ADK: variants seen among roughly 807,000 people sequenced by gnomAD.
The protein encoded by ADK is adenosine kinase, also known as N6,N6-dimethyladenosine kinase.
In ADK, 24 loss-of-function variants were observed where a neutral mutation model predicts 44.7. That is an observed-to-expected ratio of 0.54 (90% CI 0.39 to 0.76). The LOEUF is 0.76. Ranked by LOEUF, ADK falls within the 30% of genes least tolerant of loss-of-function variation. The pLI, the probability that ADK is intolerant of heterozygous loss-of-function variation, is 0.00. For synonymous variants in ADK, 128 were observed against 142.6 expected (o/e 0.90, Z 0.73); for missense variants, 321 against 425.1 (o/e 0.76, Z 2.15).
chr10:74,512,950 T>C (rs1347028873), intron 6 of ADK, among the ~76,000 whole-genome samples: 2 of 152,110 alleles, frequency 1.3e-5, no homozygotes, highest in East Asian at 3.8e-4. Flanking sequence ...GGTTTTGGTA[T>C]GTTGTGTTTC....
At chr10:74,397,680 AGT>A (rs1843566073) in intron 5 of ADK, among the ~76,000 whole-genome samples, 1 of 151,904 alleles carries the variant, frequency 6.6e-6, no homozygotes, top group African/African-American at 2.4e-5. Flanking sequence ...TAGGACTATA[AGT>A]GTGCACCACT....
intron 1 of ADK, among the ~76,000 whole-genome samples, chr10:74,173,294 T>G (rs1056536431): frequency 6.6e-6 from 1 of 151,378 alleles, no homozygotes; most frequent in African/African-American, 2.4e-5. Flanking sequence ...GGGGTTTCAC[T>G]GTGTTAGCCA....
chr10:74,307,117 A>G (rs1174559563), intron 3 of ADK, among the ~76,000 whole-genome samples: 1 of 152,106 alleles, frequency 6.6e-6, no homozygotes, highest in Non-Finnish European at 1.5e-5. Context: ...CCCAGTGGAA[A>G]TGTGCCACGG....
At chr10:74,384,074 A>G (rs1843061632) in intron 4 of ADK, among the ~76,000 whole-genome samples, 1 of 152,196 alleles carries the variant, frequency 6.6e-6, no homozygotes, top group South Asian at 2.1e-4. Flanking sequence ...TGCTACTTGC[A>G]TGTTCTGCAA....
At chr10:74,595,264 CTA>C (rs1421042325) in intron 8 of ADK, among the ~76,000 whole-genome samples, 1 of 150,480 alleles carries the variant, frequency 6.6e-6, no homozygotes, top group Non-Finnish European at 1.5e-5. Context: ...GCTCAGCTCT[CTA>C]TGTCTGGTGC....
At chr10:74,182,348 T>TTTATTTATTTA in intron 1 of ADK, among the ~76,000 whole-genome samples, 1 of 145,728 alleles carries the variant, frequency 6.9e-6, no homozygotes, top group African/African-American at 2.5e-5. Context: ...ACAGAAATCT[T>TTTATTTATTTA]TTTATTTATT....
In ADK at chr10:74,324,327, G is replaced by A. The variant is rs1840933659; in HGVS notation, c.273+9582G>A. Among the ~76,000 whole-genome samples the A allele has an allele frequency of 1.3e-5, 2 of 152,192 alleles. 1 individual carries two copies. Among genetic ancestry groups the A allele is most frequent in the South Asian group, 4.1e-4 (2 of 4,830 alleles). On this transcript the variant is annotated intron_variant, in intron 4 of 10. Coordinates refer to ENST00000539909, the MANE Select transcript of ADK (RefSeq NM_006721.4). The stretch of plus-strand genomic sequence containing the variant: ...TTACAGTTGTGAGCCACTGTGCACA[G>A]CCTTTCACCAATTGTCAAAAACTTA...
At chr10:74,674,303 C>T (rs1855301732) in intron 10 of ADK, among the ~76,000 whole-genome samples, 1 of 152,172 alleles carries the variant, frequency 6.6e-6, no homozygotes, top group African/African-American at 2.4e-5. Context: ...CCTGCTCCCT[C>T]TCCACACCAG....
intron 3 of ADK, among the ~76,000 whole-genome samples, chr10:74,279,224 G>T (rs1846821101): frequency 6.6e-6 from 1 of 152,026 alleles, no homozygotes; most frequent in Admixed American, 6.6e-5. Flanking sequence ...AGGTTGCAGT[G>T]ATCCGAGATT....
At chr10:74,380,533 C>T (rs540872402) in intron 4 of ADK, among the ~76,000 whole-genome samples, 5 of 152,044 alleles carry the variant, frequency 3.3e-5, no homozygotes, top group South Asian at 2.1e-4. Flanking sequence ...CTGAGACGGG[C>T]GGATCACAAG....
intron 1 of ADK, among the ~76,000 whole-genome samples, chr10:74,153,358 A>G (rs923596083): frequency 2.0e-5 from 3 of 152,220 alleles, no homozygotes; most frequent in Non-Finnish European, 2.9e-5. Flanking sequence ...CATGCTACAT[A>G]GGACAACCCC....
chr10:74,499,257 A>G (rs1316247907), intron 6 of ADK, among the ~76,000 whole-genome samples: 1 of 152,164 alleles, frequency 6.6e-6, no homozygotes, highest in African/African-American at 2.4e-5. Context: ...TTAATCTTTC[A>G]TTGAGGAATA....
chr10:74,695,619 G>GGTGT (rs749294668), intron 10 of ADK, among the ~76,000 whole-genome samples: 1,617 of 90,038 alleles, frequency 0.018, 17 homozygotes, highest in Non-Finnish European at 0.026. Context: ...GTATGTGTGG[G>GGTGT]GTGTGTGTGT....
chr10:74,538,708 G>T (rs1324999700), intron 7 of ADK, among the ~76,000 whole-genome samples: 1 of 152,138 alleles, frequency 6.6e-6, no homozygotes, highest in African/African-American at 2.4e-5. Flanking sequence ...TAAACCAGAT[G>T]GGATACATTG....
Position 74,200,801 on chromosome 10 carries a change from G to A in ADK, c.103G>A (p.Asp35Asn). 1.2e-6 allele frequency: 2 copies of A among 1,611,672 alleles called. No homozygotes were observed. Among genetic ancestry groups the A allele is most frequent in the Non-Finnish European group, 1.7e-6 (2 of 1,178,400 alleles). ...ILFGMGNPLLDISAVVDKDFL... is the reference protein window; with the variant it reads ...ILFGMGNPLLNISAVVDKDFL... ...CTTTGGAATGGGAAATCCTCTGCTT[G>A]ACATCTCTGCTGTAGTGGACAAAGA... Residue 35 changes from aspartate to asparagine, a missense_variant, in exon 2 of 11, where the codon GAC (aspartate) becomes AAC (asparagine). Asp to Asn is a conservative substitution (Grantham distance 23). Coordinates refer to ENST00000539909, the MANE Select transcript of ADK (RefSeq NM_006721.4).
chr10:74,219,152 C>G (rs1005129551), intron 2 of ADK, among the ~76,000 whole-genome samples: 1 of 151,648 alleles, frequency 6.6e-6, no homozygotes, highest in African/African-American at 2.4e-5. Flanking sequence ...CACATAGGCT[C>G]AAAATAAAAG....
At chr10:74,470,641 T>C (rs1339089011) in intron 6 of ADK, among the ~76,000 whole-genome samples, 1 of 62,176 alleles carries the variant, frequency 1.6e-5, no homozygotes, top group African/African-American at 3.8e-5. Flanking sequence ...TTTGGATTCT[T>C]TCGGGGGTGA....
chr10:74,421,030 T>C (rs1173103797), intron 6 of ADK, among the ~76,000 whole-genome samples: 1 of 152,174 alleles, frequency 6.6e-6, no homozygotes, highest in Non-Finnish European at 1.5e-5. Context: ...AGGGTTAATT[T>C]TAATGTATGC....
At chr10:74,514,099 A>T (rs905618344) in intron 6 of ADK, among the ~76,000 whole-genome samples, 44 of 151,982 alleles carry the variant, frequency 2.9e-4, no homozygotes, top group African/African-American at 1.0e-3. Context: ...TGGGCTAATA[A>T]TTTTTTTCTT....
Sources: gnomAD v4.1 joint callset for allele counts (sites outside exome capture counted in the v4.1 genomes callset) on GRCh38, gnomAD v4.1.1 for gene constraint, MANE v1.5 for transcripts, NCBI Gene and HGNC (gene_info 2026-07-23, HGNC 2026-07-21) for gene names.